The following NLRP7 variants were observed in gnomAD, a reference collection of about 807,000 sequenced individuals.
NLRP7 encodes NLR family pyrin domain containing 7.
NLRP7 carries 72 observed loss-of-function variants against 85.5 expected under a neutral mutation model. That is an observed-to-expected ratio of 0.84 (90% CI 0.70 to 1.02). NLRP7 has a LOEUF of 1.02. Ranked by LOEUF, NLRP7 falls within the 50% of genes least tolerant of loss-of-function variation. NLRP7 has a pLI of 0.00. For missense variants in NLRP7, 1,243 were observed against 1,219.5 expected, an observed-to-expected ratio of 1.02 and a Z score of -0.29; for synonymous variants, 550 against 505.2, an observed-to-expected ratio of 1.09 and a Z score of -1.19.
Position 54,934,668 on chromosome 19 carries a change from AG to A in NLRP7, c.2301-10del. On this transcript the variant is annotated splice_polypyrimidine_tract_variant and intron_variant, in intron 6 of 9. Coordinates refer to ENST00000340844, the Ensembl canonical transcript of NLRP7. The surrounding 1 kb of genome is among the most constrained non-coding windows in gnomAD (Gnocchi z 6.7). ...CACAGTGACCTCCCAACCTGTGAAA[AG>A]AGTGGGAAAAGTCATTCTTCTGGGA... 6.2e-7 allele frequency: 1 copy of A among 1,610,880 alleles called. No homozygotes were observed. Among genetic ancestry groups the A allele is most frequent in the Admixed American group, 1.7e-5 (1 of 59,642 alleles).
chr19:54,965,367 G>C (rs1456636293), intron 1 of NLRP7: 2 of 102,628 alleles, frequency 1.9e-5, no homozygotes, highest in Non-Finnish European at 4.1e-5. Context: ...AGTAGGGCCA[G>C]GTGTTGGGAG....
chr19:54,927,143 C>T (rs1478917329), intron 9 of NLRP7, among the ~76,000 whole-genome samples: 6 of 150,886 alleles, frequency 4.0e-5, no homozygotes, highest in Admixed American at 3.3e-4. Flanking sequence ...AATCCCACCA[C>T]TTTGGGAGGC....
chr19:54,960,136 G>A lies in NLRP7; in HGVS notation c.-77+5904C>T, dbSNP rs191160062. Among the ~76,000 whole-genome samples the A allele has an allele frequency of 2.6e-5, 4 of 151,650 alleles. No individual in the cohort carries two copies. In the East Asian group the frequency reaches 7.7e-4, roughly 29 times the overall value. On this transcript the variant is annotated intron_variant, in intron 1 of 2. Transcript: ENST00000587103. Reference sequence around the variant, plus strand: ...TTCCAACAGAAGTCTGGTGTTTCTTGTTTTTTTTGTTTGTTTGTTTCTTTC... The same window carrying A: ...TTCCAACAGAAGTCTGGTGTTTCTTATTTTTTTTGTTTGTTTGTTTCTTTC...
chr19:54,936,747 T>C (rs572741892), intron 5 of NLRP7, among the ~76,000 whole-genome samples: 125 of 151,998 alleles, frequency 8.2e-4, no homozygotes, highest in Non-Finnish European at 1.5e-3. Flanking sequence ...AAGCCCCGTC[T>C]CTACTAAAAA....
At chr19:54,959,141 C>CTTTTTTTTTTTTTTTTT (rs74177888) in intron 1 of NLRP7, among the ~76,000 whole-genome samples, 2 of 134,672 alleles carry the variant, frequency 1.5e-5, no homozygotes, top group African/African-American at 5.5e-5. Context: ...TTTTCTTTTT[C>CTTTTTTTTTTTTTTTTT]TTTTTTTTTT....
rs537882538 is a variant in NLRP7, at chr19:54,947,449, A to G, written c.-40+20T>C. On this transcript the variant is annotated intron_variant, in intron 1 of 9. Transcript: ENST00000340844. The stretch of plus-strand genomic sequence containing the variant: ...CTTAAACGAGAAGACAAAGAAATCG[A>G]TGCAAGAACCAGCACTCACCTCCCT... The G allele has an allele frequency of 3.6e-5, 46 of 1,288,570 alleles. No individual in the cohort carries two copies. The African/African-American group carries it at 4.7e-4, about 13-fold the overall frequency. 79.8% of individuals were successfully genotyped at this position (1,288,570 alleles called of 1,614,324 possible).
intron 1 of NLRP7, among the ~76,000 whole-genome samples, chr19:54,954,086 T>G (rs760182043): frequency 6.7e-6 from 1 of 148,644 alleles, no homozygotes; most frequent in Non-Finnish European, 1.5e-5. Flanking sequence ...GAGAGTAACC[T>G]CTGGTTGTCC....
intron 9 of NLRP7, among the ~76,000 whole-genome samples, chr19:54,929,138 G>T (rs934696482): frequency 2.0e-5 from 3 of 152,164 alleles, no homozygotes; most frequent in African/African-American, 7.2e-5. Context: ...GGAGGTTGAG[G>T]CAGGTGGATC....
intron 1 of NLRP7, among the ~76,000 whole-genome samples, chr19:54,952,626 G>C (rs1353995725): frequency 1.1e-4 from 16 of 151,220 alleles, no homozygotes; most frequent in Middle Eastern, 3.2e-3. Context: ...CCAAACTTCT[G>C]GGGGAGATGG....
chr19:54,936,463 G>C (rs2068933333), intron 5 of NLRP7, 32 bp from the exon 6 acceptor site: 1 of 1,566,440 alleles, frequency 6.4e-7, no homozygotes, highest in Non-Finnish European at 8.8e-7. Flanking sequence ...TCCACTTGGA[G>C]TGATTAATAC....
At chr19:54,924,891 C>G (rs368898734) in intron 9 of NLRP7, among the ~76,000 whole-genome samples, 133 of 152,174 alleles carry the variant, frequency 8.7e-4, no homozygotes, top group African/African-American at 2.9e-3. Context: ...GAGCCAATAC[C>G]GCACCACTGT....
At chr19:54,960,027 G>C (rs890542363) in intron 1 of NLRP7, among the ~76,000 whole-genome samples, 1 of 151,970 alleles carries the variant, frequency 6.6e-6, no homozygotes, top group Admixed American at 6.6e-5. Context: ...CAGTTCATCC[G>C]ATACTCTGTT....
At position 54,939,602 on chromosome 19, in the gene NLRP7, G is replaced by A. The variant is rs775578626; in HGVS notation, c.1217C>T (p.Ala406Val). Residue 406 changes from alanine (A) to valine (V), a missense_variant, in exon 4 of 10, where the codon GCA becomes GTA. Coordinates refer to ENST00000340844, the Ensembl canonical transcript of NLRP7. ...CGTCCGCAGCGCGCCCCGCAGCTGT[G>A]CGCCCTGCGGGAACCGGCTGCAGAG... 5.8e-5 allele frequency: 93 copies of A among 1,611,042 alleles called. No homozygotes were observed. The highest frequency in any genetic ancestry group is 7.9e-5 in the Non-Finnish European group (93 of 1,179,250).
At chr19:54,937,044 C>T (rs1263869192) in intron 5 of NLRP7, among the ~76,000 whole-genome samples, 3 of 151,758 alleles carry the variant, frequency 2.0e-5, no homozygotes, top group Non-Finnish European at 4.4e-5. Context: ...CGGTGAAACC[C>T]CGTCTTTACT....
chr19:54,943,753 C>G (rs867859169), intron 1 of NLRP7, among the ~76,000 whole-genome samples: 1 of 152,088 alleles, frequency 6.6e-6, no homozygotes, highest in African/African-American at 2.4e-5. Flanking sequence ...AAAAGGAGGA[C>G]AGATCAGACT....
At chr19:54,949,971 G>C (rs1243225451), upstream of NLRP7, among the ~76,000 whole-genome samples, 1 of 152,058 alleles carries the variant, frequency 6.6e-6, no homozygotes, top group Non-Finnish European at 1.5e-5. Flanking sequence ...GCGTGGTGGA[G>C]TGCACCTGTA....
chr19:54,944,903 C>T (rs2146245322), intron 1 of NLRP7, among the ~76,000 whole-genome samples: 1 of 152,192 alleles, frequency 6.6e-6, no homozygotes, highest in East Asian at 1.9e-4. Flanking sequence ...ATATAGTTGC[C>T]TTTCGTTTTT....
rs146297583 is a variant in NLRP7 at position 54,961,016 on chromosome 19, A to G, written c.-77+5024T>C. On this transcript the variant is annotated intron_variant, in intron 1 of 2. Transcript: ENST00000587103. ...AATGCTAGAACTGAGTGGTGGTGAA[A>G]TTGCTGTTGAAATGTGTTTGTTGCA... 8.0e-4 allele frequency among the ~76,000 whole-genome samples: 122 copies of G among 152,160 alleles called. 1 individual carries two copies. Among genetic ancestry groups the G allele is most frequent in the African/African-American group, 2.6e-3 (108 of 41,538 alleles).
At chr19:54,949,707 C>T (rs2069609448), upstream of NLRP7, among the ~76,000 whole-genome samples, 1 of 152,074 alleles carries the variant, frequency 6.6e-6, no homozygotes. Context: ...CTCCAAGTGG[C>T]CTCCAGGGAG....
Sources: gnomAD v4.1 joint callset for allele counts (sites outside exome capture counted in the v4.1 genomes callset) on GRCh38, gnomAD v4.1.1 for gene constraint, Gnocchi (gnomAD v3.1) non-coding constraint, MANE v1.5 for transcripts, NCBI Gene and HGNC (gene_info 2026-07-23, HGNC 2026-07-21) for gene names.